Variants in ATP8A2 observed in about 807,000 individuals in gnomAD.
ATP8A2 encodes ATPase phospholipid transporting 8A2.
Under a neutral mutation model 165.6 loss-of-function variants are expected in ATP8A2, and 100 were observed. That is an observed-to-expected ratio of 0.60 (90% confidence interval 0.51 to 0.71). The LOEUF is 0.71. ATP8A2 is among the 30% of genes least tolerant of loss of function. The pLI is 0.00. For missense variants in ATP8A2, 1,227 were observed against 1,479.5 expected (o/e 0.83, Z 2.80); for synonymous variants, 543 against 548.8 (o/e 0.99, Z 0.15).
intron 33 of ATP8A2, among the ~76,000 whole-genome samples, chr13:25,926,922 C>G (rs986159180): frequency 6.6e-6 from 1 of 152,192 alleles, no homozygotes; most frequent in Admixed American, 6.5e-5. Flanking sequence ...TTGAAAATGA[C>G]TTGGTAGTGA....
chr13:25,807,647 T>C (rs536172386), intron 27 of ATP8A2, among the ~76,000 whole-genome samples: 41 of 152,334 alleles, frequency 2.7e-4, no homozygotes, highest in African/African-American at 9.6e-4. Context: ...AAATAGAGAA[T>C]GGAAAAGTAT....
chr13:25,978,368 C>T (rs1956104834), intron 35 of ATP8A2, among the ~76,000 whole-genome samples: 1 of 152,166 alleles, frequency 6.6e-6, no homozygotes, highest in Non-Finnish European at 1.5e-5. Context: ...TTTTGCCTAC[C>T]TCCAACTGTG....
intron 24 of ATP8A2, among the ~76,000 whole-genome samples, chr13:25,626,899 G>C (rs1480281149): frequency 6.6e-6 from 1 of 152,022 alleles, no homozygotes; most frequent in East Asian, 1.9e-4. Flanking sequence ...AAGCAAAAGG[G>C]GTTTCCCCTT....
chr13:25,574,223 A>G (rs567005506), intron 18 of ATP8A2, among the ~76,000 whole-genome samples: 1 of 152,390 alleles, frequency 6.6e-6, no homozygotes, highest in African/African-American at 2.4e-5. Context: ...GATTGCTCTG[A>G]GACCAGGTAC....
intron 1 of ATP8A2, among the ~76,000 whole-genome samples, chr13:25,439,917 A>G (rs1256627987): frequency 1.7e-4 from 26 of 152,242 alleles, no homozygotes; most frequent in Admixed American, 1.6e-3. Flanking sequence ...TAAAAAAAAA[A>G]AAATTAAAAG....
At chr13:25,904,501 G>T (rs147450562) in intron 33 of ATP8A2, among the ~76,000 whole-genome samples, 1 of 152,238 alleles carries the variant, frequency 6.6e-6, no homozygotes, top group African/African-American at 2.4e-5. Flanking sequence ...CTCACCATGC[G>T]CCTCTTCCTG....
chr13:25,906,310 A>T (rs1049442330), intron 33 of ATP8A2, among the ~76,000 whole-genome samples: 1 of 133,430 alleles, frequency 7.5e-6, no homozygotes, highest in African/African-American at 2.8e-5. Flanking sequence ...TCCTGTCTTC[A>T]ATCTCTTCTT....
chr13:25,707,575 C>T (rs188431301), intron 25 of ATP8A2, among the ~76,000 whole-genome samples: 61 of 152,294 alleles, frequency 4.0e-4, no homozygotes, highest in Admixed American at 8.5e-4. Context: ...ATACAGGAAG[C>T]TCTTCTGCTT....
chr13:25,580,784 T>C (rs1329934736), intron 22 of ATP8A2, among the ~76,000 whole-genome samples: 1 of 152,198 alleles, frequency 6.6e-6, no homozygotes, highest in Admixed American at 6.5e-5. Context: ...TCCTCATGCC[T>C]TGGCTTCCCA....
intron 25 of ATP8A2, chr13:25,705,208 A>G (rs1407815048): frequency 1.2e-5 from 5 of 427,778 alleles, no homozygotes; most frequent in South Asian, 8.5e-5. Context: ...AGCACAGACT[A>G]CCAGGGGAGA....
intron 24 of ATP8A2, among the ~76,000 whole-genome samples, chr13:25,675,290 C>T (rs1039188731): frequency 1.3e-5 from 2 of 152,156 alleles, no homozygotes; most frequent in Non-Finnish European, 2.9e-5. Context: ...CTCTGGGGGC[C>T]ACTGCTCAGC....
chr13:25,481,864 AATCCCATC>A (rs1418536495), intron 2 of ATP8A2, among the ~76,000 whole-genome samples: 33 of 152,150 alleles, frequency 2.2e-4, no homozygotes, highest in Non-Finnish European at 1.5e-4. Context: ...TAAGGGCACT[AATCCCATC>A]TTGAGGGTCC....
At chr13:25,476,167 G>A (rs757405047) in intron 2 of ATP8A2, among the ~76,000 whole-genome samples, 13 of 152,120 alleles carry the variant, frequency 8.5e-5, no homozygotes, top group Non-Finnish European at 1.6e-4. Flanking sequence ...AGTACTGTGA[G>A]GATGAAGAAT....
intron 25 of ATP8A2, among the ~76,000 whole-genome samples, chr13:25,710,224 T>C (rs1025030641): frequency 1.3e-5 from 2 of 152,206 alleles, no homozygotes; most frequent in Non-Finnish European, 2.9e-5. Flanking sequence ...ATCAGGGTAA[T>C]TGGGGTGTTA....
At chr13:25,451,064 T>C (rs989382053) in intron 1 of ATP8A2, among the ~76,000 whole-genome samples, 11 of 152,132 alleles carry the variant, frequency 7.2e-5, no homozygotes, top group African/African-American at 2.4e-4. Context: ...AACCCCTTTT[T>C]CCCTTGGGAC....
At chr13:25,483,995 C>T (rs1472778393) in intron 2 of ATP8A2, among the ~76,000 whole-genome samples, 1 of 152,178 alleles carries the variant, frequency 6.6e-6, no homozygotes, top group Non-Finnish European at 1.5e-5. Context: ...AATATGCAGG[C>T]TGAAGAATCA....
intron 33 of ATP8A2, among the ~76,000 whole-genome samples, chr13:25,929,365 T>C (rs368869730): frequency 6.6e-6 from 1 of 152,134 alleles, no homozygotes; most frequent in South Asian, 2.1e-4. Context: ...GTGGCCCACA[T>C]GAGGGTGGCG....
chr13:25,567,258 C>G (rs1481801665), intron 16 of ATP8A2: 2 of 455,200 alleles, frequency 4.4e-6, no homozygotes, highest in Admixed American at 2.4e-5. Context: ...TGAGCCTGTC[C>G]TCTGTTGATG....
intron 25 of ATP8A2, among the ~76,000 whole-genome samples, chr13:25,733,439 GCAT>G (rs1399946489): frequency 2.0e-5 from 3 of 152,072 alleles, no homozygotes; most frequent in Non-Finnish European, 2.9e-5. Context: ...ACCTGTGTGT[GCAT>G]GCGTGCTTCA....
Sources: allele counts gnomAD v4.1 joint callset (sites outside exome capture counted in the v4.1 genomes callset), GRCh38; gene constraint gnomAD v4.1.1; transcripts MANE v1.5; gene names NCBI Gene and HGNC (gene_info 2026-07-23, HGNC 2026-07-21).